TRPC7: variants seen among roughly 807,000 people sequenced by gnomAD.
TRPC7 encodes short transient receptor potential channel 7.
Under a neutral mutation model 90.1 loss-of-function variants are expected in TRPC7, and 42 were observed. That is an observed-to-expected ratio of 0.47 (90% CI 0.36 to 0.60). TRPC7 has a LOEUF of 0.60. Ranked by LOEUF, TRPC7 falls within the 20% of genes least tolerant of loss-of-function variation. TRPC7 has a pLI of 0.00. For missense variants in TRPC7, 955 were observed against 1,112.3 expected (o/e 0.86, Z 2.01); for synonymous variants, 451 against 436.3 (o/e 1.03, Z -0.42).
intron 3 of TRPC7, among the ~76,000 whole-genome samples, chr5:136,280,258 G>A (rs887558424): frequency 6.6e-5 from 10 of 152,180 alleles, no homozygotes; most frequent in African/African-American, 2.4e-4. Context: ...ACACCTATGG[G>A]TCTTATTCTG....
At chr5:136,239,606 A>G (rs13173271) in intron 7 of TRPC7, among the ~76,000 whole-genome samples, 74,947 of 152,020 alleles carry the variant, frequency 0.49, 18,844 homozygotes, top group African/African-American at 0.59. Flanking sequence ...GACGTATTTC[A>G]GCCTGGGCAG....
At chr5:136,230,401 A>C (rs1417449693) in intron 8 of TRPC7, among the ~76,000 whole-genome samples, 1 of 152,060 alleles carries the variant, frequency 6.6e-6, no homozygotes, top group African/African-American at 2.4e-5. Flanking sequence ...TGTTCTTTTC[A>C]TTTGCTTATA....
At chr5:136,214,328 C>T (rs561803116) in intron 11 of TRPC7, 1 of 152,374 alleles carries the variant, frequency 6.6e-6, no homozygotes, top group South Asian at 2.1e-4. Flanking sequence ...TAACCACAAA[C>T]AGATGTCAAA....
At chr5:136,298,842 C>CA (rs1258341317) in intron 3 of TRPC7, among the ~76,000 whole-genome samples, 1 of 152,040 alleles carries the variant, frequency 6.6e-6, no homozygotes, top group Non-Finnish European at 1.5e-5. Context: ...GAATCACTTG[C>CA]AAAAACAAAT....
chr5:136,356,968 G>A lies in TRPC7; in HGVS notation c.420C>T (p.Ser140=). 1 of 1,612,400 alleles carries A rather than the reference G, an allele frequency of 6.2e-7. No individual in the cohort carries two copies. Residue 140 remains serine (S), a synonymous_variant, in exon 2 of 12, where the codon AGC becomes AGT. Transcript: ENST00000513104. ...AFAQGQRLTL[S]PLEQELRDDD... is the part of the protein sequence containing the mutation. Reference sequence around the variant, plus strand: ...CGTCGCGCAGCTCCTGTTCCAGCGGGCTGAGCGTCAGGCGCTGGCCCTGCG... The same window carrying A: ...CGTCGCGCAGCTCCTGTTCCAGCGGACTGAGCGTCAGGCGCTGGCCCTGCG...
intron 4 of TRPC7, among the ~76,000 whole-genome samples, chr5:136,267,454 A>G (rs1757070429): frequency 6.6e-6 from 1 of 152,228 alleles, no homozygotes; most frequent in Non-Finnish European, 1.5e-5. Context: ...AATTATAACC[A>G]GTGACTGATT....
chr5:136,248,556 G>C (rs1756417877), intron 6 of TRPC7, among the ~76,000 whole-genome samples: 3 of 152,164 alleles, frequency 2.0e-5, no homozygotes, highest in African/African-American at 7.2e-5. Context: ...TTGTTCCTCA[G>C]GTACTGTGTG....
At chr5:136,275,878 C>T (rs999601420) in intron 3 of TRPC7, among the ~76,000 whole-genome samples, 5 of 152,158 alleles carry the variant, frequency 3.3e-5, no homozygotes, top group African/African-American at 9.7e-5. Flanking sequence ...AGTAGCAAAA[C>T]AAGTCTGTTG....
At chr5:136,221,227 T>C (rs551440402) in intron 10 of TRPC7, among the ~76,000 whole-genome samples, 11 of 152,316 alleles carry the variant, frequency 7.2e-5, no homozygotes, top group African/African-American at 2.4e-4. Context: ...CAAGTTACTA[T>C]GTCCCTGGTA....
chr5:136,291,276 A>G (rs954256917), intron 3 of TRPC7, among the ~76,000 whole-genome samples: 2 of 152,242 alleles, frequency 1.3e-5, no homozygotes, highest in East Asian at 1.9e-4. Context: ...GAAAGGATCA[A>G]ATTCACACAT....
chr5:136,274,522 T>TG, intron 4 of TRPC7, 151 bp downstream of exon 4: 1 of 810,452 alleles, frequency 1.2e-6, no homozygotes, highest in East Asian at 3.3e-5. Flanking sequence ...TTTCCTTTTA[T>TG]GTGGTTTCCT....
chr5:136,218,764 G>A (rs1183277061), intron 10 of TRPC7, among the ~76,000 whole-genome samples: 1 of 152,210 alleles, frequency 6.6e-6, no homozygotes, highest in African/African-American at 2.4e-5. Context: ...AAGGGTGAAA[G>A]GATGAAGACG....
chr5:136,250,195 G>A (rs1756474399), intron 6 of TRPC7, among the ~76,000 whole-genome samples: 1 of 152,216 alleles, frequency 6.6e-6, no homozygotes, highest in African/African-American at 2.4e-5. Context: ...GTGGGTGGAT[G>A]ACTTGTAATA....
At chr5:136,353,698 G>A (rs997582415) in intron 2 of TRPC7, among the ~76,000 whole-genome samples, 3 of 152,102 alleles carry the variant, frequency 2.0e-5, no homozygotes, top group African/African-American at 4.8e-5. Flanking sequence ...GCCATTTGTC[G>A]ACAATCCAAA....
chr5:136,343,891 C>G (rs1759923616), intron 2 of TRPC7, among the ~76,000 whole-genome samples: 1 of 152,114 alleles, frequency 6.6e-6, no homozygotes. Context: ...TACCTCAAGA[C>G]AGAAATCCTG....
intron 2 of TRPC7, among the ~76,000 whole-genome samples, chr5:136,328,978 T>C (rs1759420780): frequency 6.6e-6 from 1 of 152,250 alleles, no homozygotes; most frequent in Admixed American, 6.5e-5. Flanking sequence ...GCCTGGACGC[T>C]GAACACTGAG....
At chr5:136,228,601 G>C (rs1468596702) in intron 8 of TRPC7, among the ~76,000 whole-genome samples, 2 of 151,474 alleles carry the variant, frequency 1.3e-5, no homozygotes, top group African/African-American at 4.9e-5. Flanking sequence ...TGCTGGAGAA[G>C]GCTGTGCTGC....
intron 7 of TRPC7, among the ~76,000 whole-genome samples, chr5:136,238,495 G>A (rs763895942): frequency 4.6e-5 from 7 of 152,190 alleles, no homozygotes; most frequent in Non-Finnish European, 7.3e-5. Flanking sequence ...GCCCCTGCTG[G>A]TAACATCTCA....
At chr5:136,281,431 C>T (rs192029363) in intron 3 of TRPC7, among the ~76,000 whole-genome samples, 2 of 152,334 alleles carry the variant, frequency 1.3e-5, no homozygotes, top group African/African-American at 4.8e-5. Flanking sequence ...TAAACAATCA[C>T]TTTGCTGAAG....
Sources: gnomAD v4.1 joint callset for allele counts (sites outside exome capture counted in the v4.1 genomes callset) on GRCh38, gnomAD v4.1.1 for gene constraint, MANE v1.5 for transcripts, NCBI Gene and HGNC (gene_info 2026-07-23, HGNC 2026-07-21) for gene names.